The following SORT1 variants were observed in gnomAD, a reference collection of about 807,000 sequenced individuals.
SORT1 encodes the protein sortilin 1, also known as sortilin.
Under a neutral mutation model 101.7 loss-of-function variants are expected in SORT1, and 39 were observed. The ratio of observed to expected loss-of-function variants is 0.38; its 90% CI spans 0.30 to 0.50. SORT1 has a LOEUF of 0.50. SORT1 is among the 20% of genes least tolerant of loss of function. SORT1 has a pLI of 0.90. For synonymous variants in SORT1, 396 were observed against 393.7 expected (o/e 1.01, Z -0.07); for missense variants, 878 against 1,040.4 (o/e 0.84, Z 2.15).
At chr1:109,391,578 C>A (rs1056329735) in intron 1 of SORT1, among the ~76,000 whole-genome samples, 32 of 152,174 alleles carry the variant, frequency 2.1e-4, no homozygotes, top group African/African-American at 7.7e-4. Flanking sequence ...TTTGTTTTTA[C>A]TGTGGTTTCC....
intron 1 of SORT1, among the ~76,000 whole-genome samples, chr1:109,384,710 A>C (rs1652467115): frequency 6.6e-6 from 1 of 152,202 alleles, no homozygotes. Flanking sequence ...TGTGAAGTCC[A>C]AGAGTATGGC....
intron 8 of SORT1, among the ~76,000 whole-genome samples, chr1:109,342,605 G>A (rs897040498): frequency 6.6e-6 from 1 of 152,014 alleles, no homozygotes; most frequent in Middle Eastern, 3.2e-3. Context: ...TATACTTAAG[G>A]GTCTAGAAAA....
chr1:109,373,276 G>T (rs1651608015), intron 1 of SORT1, among the ~76,000 whole-genome samples: 1 of 152,132 alleles, frequency 6.6e-6, no homozygotes, highest in African/African-American at 2.4e-5. Context: ...CTAAACTGAA[G>T]AGAGGAAGCT....
Position 109,310,322 on chromosome 1 carries a change from A to G in SORT1, c.*3721T>C, listed in dbSNP as rs1419981946. ...TTATTATAATGCAACCTAACCAAGA[A>G]ATCAACATGCTCCTGCTATTTCAAT... is the stretch of plus-strand genomic sequence containing the variant. On this transcript the variant is annotated 3_prime_UTR_variant, in exon 20 of 20. Coordinates refer to ENST00000256637, the MANE Select transcript of SORT1 (RefSeq NM_002959.7). The G allele has an allele frequency of 2.0e-5, 3 of 153,662 alleles. No individual in the cohort carries two copies. The highest frequency in any genetic ancestry group is 1.3e-4 in the Admixed American group (2 of 15,272). 9.5% of individuals were successfully genotyped at this position (153,662 alleles called of 1,614,324 possible).
chr1:109,326,477 A>G (rs1648057538), intron 13 of SORT1, among the ~76,000 whole-genome samples: 1 of 119,566 alleles, frequency 8.4e-6, no homozygotes, highest in East Asian at 2.9e-4. Context: ...ATACACACAC[A>G]CACACACATA....
intron 1 of SORT1, among the ~76,000 whole-genome samples, chr1:109,370,233 T>C (rs865848612): frequency 6.6e-6 from 1 of 152,180 alleles, no homozygotes; most frequent in Non-Finnish European, 1.5e-5. Context: ...AGTAAGCATG[T>C]TAAAATATAG....
At position 109,323,045 on chromosome 1, in the gene SORT1, G is replaced by A. The variant is rs550032631; in HGVS notation, c.1911C>T (p.Gly637=). The part of the protein sequence containing the change: ...PEDYEDGCIL[G]YKEQFLRLRK... ...GTAGCCGCAGAAACTGTTCTTTGTA[G>A]CCCAAAATGCAGCCATCTTCATAAT... Residue 637 remains glycine, a synonymous_variant, in exon 15 of 20, where the codon GGC becomes GGT. Transcript: ENST00000256637. The A allele has an allele frequency of 1.9e-6, 3 of 1,614,074 alleles. No individual in the cohort carries two copies. The South Asian group carries it at 3.3e-5, about 18-fold the overall frequency.
chr1:109,380,011 C>A (rs992349822), intron 1 of SORT1, among the ~76,000 whole-genome samples: 3 of 152,124 alleles, frequency 2.0e-5, no homozygotes, highest in African/African-American at 7.2e-5. Flanking sequence ...CACAGTGGCT[C>A]ACCCCTGTAA....
chr1:109,392,323 G>A (rs1300971614), intron 1 of SORT1, among the ~76,000 whole-genome samples: 1 of 152,218 alleles, frequency 6.6e-6, no homozygotes, highest in African/African-American at 2.4e-5. Flanking sequence ...AGAACCCAAT[G>A]CCTGTTGACG....
intron 1 of SORT1, among the ~76,000 whole-genome samples, chr1:109,373,647 G>T (rs889798519): frequency 1.4e-4 from 21 of 152,142 alleles, no homozygotes; most frequent in African/African-American, 4.8e-4. Context: ...TGCCGGTCCC[G>T]CCTAAAAATG....
chr1:109,348,986 T>A (rs550072875), intron 6 of SORT1, among the ~76,000 whole-genome samples: 72 of 151,732 alleles, frequency 4.7e-4, no homozygotes, highest in Non-Finnish European at 8.1e-4. Context: ...GAAAAAAAAA[T>A]TATTTACACA....
intron 18 of SORT1, 64 bp downstream of exon 18, chr1:109,314,608 A>C: frequency 8.1e-7 from 1 of 1,239,562 alleles, no homozygotes; most frequent in Non-Finnish European, 1.2e-6. Flanking sequence ...AGACTCAGCC[A>C]TATGCCCTAG....
chr1:109,363,825 G>A (rs1487305982), intron 3 of SORT1, among the ~76,000 whole-genome samples: 1 of 152,174 alleles, frequency 6.6e-6, no homozygotes, highest in African/African-American at 2.4e-5. Context: ...GGCAACTTCA[G>A]CATACTCAGG....
intron 7 of SORT1, among the ~76,000 whole-genome samples, chr1:109,346,238 G>A (rs756626292): frequency 1.3e-5 from 2 of 150,438 alleles, no homozygotes; most frequent in Non-Finnish European, 3.0e-5. Flanking sequence ...GCGTGAACCC[G>A]GGATGCAGAG....
At position 109,397,593 on chromosome 1, in the gene SORT1, C is replaced by T. The variant is rs1274730628; in HGVS notation, c.300G>A (p.Thr100=). 8.0e-7 allele frequency: 1 copy of T among 1,255,996 alleles called. No individual in the cohort carries two copies. Among genetic ancestry groups the T allele is most frequent in the Non-Finnish European group, 1.0e-6 (1 of 986,810 alleles). 77.8% of individuals were successfully genotyped at this position (1,255,996 alleles called of 1,614,324 possible). ...GGGCCCGGCGCCCGCTCACCTGGTG[C>T]GTGTTGTTGGCCAGCTTGGCGACGA... ...RDFVAKLANN[T]HQHVFDDLRG... Residue 100 remains threonine (T), a synonymous_variant, in exon 1 of 20, where the codon ACG becomes ACA. Coordinates refer to ENST00000256637, the MANE Select transcript of SORT1 (RefSeq NM_002959.7).
At chr1:109,379,637 G>A (rs1196159576) in intron 1 of SORT1, among the ~76,000 whole-genome samples, 1 of 152,210 alleles carries the variant, frequency 6.6e-6, no homozygotes, top group Non-Finnish European at 1.5e-5. Context: ...AAGCACAGAA[G>A]CCAAGAAGTT....
chr1:109,340,529 C>T (rs1649138321), intron 10 of SORT1, among the ~76,000 whole-genome samples, 195 bp downstream of exon 10: 1 of 151,762 alleles, frequency 6.6e-6, no homozygotes, highest in African/African-American at 2.4e-5. Context: ...TGAATTGTAC[C>T]CTATACAATG....
intron 1 of SORT1, among the ~76,000 whole-genome samples, chr1:109,378,697 ATG>A (rs1383268880): frequency 2.2e-5 from 2 of 91,100 alleles, no homozygotes; most frequent in Admixed American, 1.3e-4. Flanking sequence ...GGTAGAGTGA[ATG>A]ATATATATAT....
chr1:109,324,554 T>A (rs1345210817), intron 14 of SORT1, among the ~76,000 whole-genome samples: 1 of 152,226 alleles, frequency 6.6e-6, no homozygotes, highest in Non-Finnish European at 1.5e-5. Flanking sequence ...CTGAACCTAT[T>A]TTCTGGGCCG....
Sources: gnomAD v4.1 joint callset for allele counts (sites outside exome capture counted in the v4.1 genomes callset) on GRCh38, gnomAD v4.1.1 for gene constraint, MANE v1.5 for transcripts, NCBI Gene and HGNC (gene_info 2026-07-23, HGNC 2026-07-21) for gene names.